LRP11: variants seen among roughly 807,000 people sequenced by gnomAD.
The protein encoded by LRP11 is LDL receptor related protein 11, also known as low-density lipoprotein receptor-related protein 11.
A neutral mutation model predicts 43.1 loss-of-function variants in LRP11; 25 were observed. The ratio of observed to expected loss-of-function variants is 0.58; its 90% CI spans 0.42 to 0.81. The LOEUF (loss-of-function observed/expected upper bound fraction) is 0.81, where lower values mean the gene tolerates loss of function less well. LRP11 is among the 30% of genes least tolerant of loss of function. The probability of loss-of-function intolerance (pLI) is 0.00; values close to 1 mark genes in which losing one functional copy is unlikely to be tolerated. For missense variants in LRP11, 623 were observed against 665.1 expected, an observed-to-expected ratio of 0.94 and a Z score of 0.70; for synonymous variants, 316 against 299.4, an observed-to-expected ratio of 1.06 and a Z score of -0.57.
chr6:149,853,218 G>C lies in LRP11; in HGVS notation c.614-58C>G. On this transcript the variant is annotated intron_variant, in intron 1 of 6. Coordinates refer to ENST00000239367, the MANE Select transcript of LRP11 (RefSeq NM_032832.6). Reference sequence around the variant, plus strand: ...GATTTCTTATTTTTTCTAATTTATGGAGAGGTATCTTGTTTGCTGAATAGA... The same window carrying C: ...GATTTCTTATTTTTTCTAATTTATGCAGAGGTATCTTGTTTGCTGAATAGA... 5.7e-6 allele frequency: 8 copies of C among 1,413,004 alleles called. No homozygotes were observed. In the South Asian group the frequency reaches 1.2e-4, roughly 21 times the overall value. 87.5% of individuals were successfully genotyped at this position (1,413,004 alleles called of 1,614,324 possible). A position where few individuals can be genotyped will look rare whatever the true frequency, so the allele number is the denominator to read the frequency against.
At chr6:149,862,795 G>GT (rs1438426786) in intron 1 of LRP11, among the ~76,000 whole-genome samples, 1 of 151,988 alleles carries the variant, frequency 6.6e-6, no homozygotes, top group Non-Finnish European at 1.5e-5. Context: ...GGTCAGGCAG[G>GT]TCTCAAACTC....
At chr6:149,847,868 CACACACACACAT>C (rs1381927042) in intron 2 of LRP11, among the ~76,000 whole-genome samples, 1 of 135,552 alleles carries the variant, frequency 7.4e-6, no homozygotes, top group African/African-American at 3.1e-5. Flanking sequence ...CACACACACA[CACACACACACAT>C]TGTATATACT....
chr6:149,841,988 T>C lies in LRP11; in HGVS notation c.913+995A>G, dbSNP rs571330727. Among the ~76,000 whole-genome samples the C allele has an allele frequency of 2.6e-4, 39 of 152,354 alleles. 2 individuals are homozygous for C. In the South Asian group the frequency reaches 7.7e-3, roughly 30 times the overall value. On this transcript the variant is annotated intron_variant, in intron 3 of 6. Transcript: ENST00000239367. ...ATGAAATAAGTTTTACATTGTTACATTGTACAACAGAATGTGAGAACCATC... is the reference window on the plus strand; with the variant it reads ...ATGAAATAAGTTTTACATTGTTACACTGTACAACAGAATGTGAGAACCATC...
Position 149,860,939 on chromosome 6 carries a change from G to C in LRP11, c.613+2469C>G, listed in dbSNP as rs1018657175. 4.6e-5 allele frequency among the ~76,000 whole-genome samples: 7 copies of C among 152,140 alleles called. No homozygotes were observed. In the South Asian group the frequency reaches 8.3e-4, roughly 18 times the overall value. ...AGAACCTAGGCCTTTGTGTTGTTGTGAGGACAGAGTGAGTTCATGCGTGCA... is the reference window on the plus strand; with the variant it reads ...AGAACCTAGGCCTTTGTGTTGTTGTCAGGACAGAGTGAGTTCATGCGTGCA... On this transcript the variant is annotated intron_variant, in intron 1 of 6. Coordinates refer to ENST00000239367, the MANE Select transcript of LRP11 (RefSeq NM_032832.6).
At chr6:149,853,221 A>G in intron 1 of LRP11, 61 bp from the exon 2 acceptor site, 1 of 1,392,766 alleles carries the variant, frequency 7.2e-7, no homozygotes, top group Non-Finnish European at 9.6e-7. Context: ...ATTTATGGAG[A>G]GGTATCTTGT....
intron 2 of LRP11, among the ~76,000 whole-genome samples, chr6:149,846,901 T>C (rs1203386840): frequency 2.0e-5 from 3 of 151,864 alleles, no homozygotes; most frequent in Non-Finnish European, 4.4e-5. Flanking sequence ...ACCACTGCAC[T>C]CTAGCCTGGG....
intron 1 of LRP11, among the ~76,000 whole-genome samples, chr6:149,859,674 G>A (rs930554815): frequency 1.3e-5 from 2 of 151,948 alleles, no homozygotes; most frequent in African/African-American, 4.8e-5. Context: ...GGGATTACAG[G>A]TGTGAGCCAC....
intron 2 of LRP11, among the ~76,000 whole-genome samples, chr6:149,847,948 G>T (rs1454038592): frequency 6.6e-6 from 1 of 151,704 alleles, no homozygotes; most frequent in African/African-American, 2.4e-5. Context: ...CAGCAGGTAG[G>T]CCAGGATGCA....
At chr6:149,842,797 A>C (rs1776568806) in intron 3 of LRP11, 186 bp downstream of exon 3, 1 of 1,231,292 alleles carries the variant, frequency 8.1e-7, no homozygotes, top group Admixed American at 2.1e-5. Flanking sequence ...ACCCAGTAGC[A>C]TCGGCTAAGC....
intron 2 of LRP11, among the ~76,000 whole-genome samples, chr6:149,847,751 C>T (rs1470498629): frequency 6.6e-6 from 1 of 151,326 alleles, no homozygotes; most frequent in African/African-American, 2.4e-5. Flanking sequence ...TCTGACTCAA[C>T]CCCATCTTCC....
At chr6:149,842,484 C>G in intron 3 of LRP11, 1 of 671,378 alleles carries the variant, frequency 1.5e-6, no homozygotes, top group East Asian at 2.7e-5. Flanking sequence ...TGCTGTGCAA[C>G]AGATCACCAG....
intron 1 of LRP11, among the ~76,000 whole-genome samples, chr6:149,862,966 T>C (rs1394463738): frequency 6.6e-6 from 1 of 152,128 alleles, no homozygotes; most frequent in Admixed American, 6.5e-5. Flanking sequence ...CATTTTTGTA[T>C]GATGAAAGCC....
chr6:149,861,440 T>C (rs1312481302), intron 1 of LRP11, among the ~76,000 whole-genome samples: 4 of 151,420 alleles, frequency 2.6e-5, no homozygotes, highest in Non-Finnish European at 5.9e-5. Flanking sequence ...CTAGACAAAC[T>C]CCCCTGGGGA....
intron 5 of LRP11, among the ~76,000 whole-genome samples, chr6:149,834,192 CA>C (rs1776443405): frequency 6.6e-6 from 1 of 152,186 alleles, no homozygotes; most frequent in Admixed American, 6.5e-5. Flanking sequence ...GCACTATTTT[CA>C]AAAGGATTCT....
At chr6:149,855,013 C>T (rs935425613) in intron 1 of LRP11, among the ~76,000 whole-genome samples, 9 of 152,192 alleles carry the variant, frequency 5.9e-5, no homozygotes, top group African/African-American at 2.2e-4. Flanking sequence ...CAGCAAGTTA[C>T]CATTGCCTTT....
intron 3 of LRP11, among the ~76,000 whole-genome samples, chr6:149,839,004 G>T (rs1373125533): frequency 6.6e-6 from 1 of 151,692 alleles, no homozygotes; most frequent in African/African-American, 2.4e-5. Flanking sequence ...AAACCAAATG[G>T]CTGAGCACAG....
At chr6:149,830,906 T>C (rs1220325502) in intron 5 of LRP11, among the ~76,000 whole-genome samples, 1 of 152,238 alleles carries the variant, frequency 6.6e-6, no homozygotes, top group East Asian at 1.9e-4. Context: ...GAATTTCTGC[T>C]GTTTACATTC....
At chr6:149,842,746 G>C (rs542045485) in intron 3 of LRP11, 1 of 1,455,932 alleles carries the variant, frequency 6.9e-7, no homozygotes, top group Admixed American at 2.0e-5. Flanking sequence ...AGAGAAGCGG[G>C]AGCATCTCTT....
chr6:149,841,362 G>T (rs965483015), intron 3 of LRP11, among the ~76,000 whole-genome samples: 1 of 152,172 alleles, frequency 6.6e-6, no homozygotes, highest in Non-Finnish European at 1.5e-5. Context: ...CTTACTGCAA[G>T]TTTACCAGAG....
Sources: allele counts gnomAD v4.1 joint callset (sites outside exome capture counted in the v4.1 genomes callset), GRCh38; gene constraint gnomAD v4.1.1; transcripts MANE v1.5; gene names NCBI Gene and HGNC (gene_info 2026-07-23, HGNC 2026-07-21).